Variants in CDC25C observed in about 807,000 individuals in gnomAD.
CDC25C encodes M-phase inducer phosphatase 3.
CDC25C carries 48 observed loss-of-function variants against 52.5 expected under a neutral mutation model. The ratio of observed to expected loss-of-function variants is 0.91; its 90% CI spans 0.72 to 1.16. The LOEUF is 1.16. Ranked by LOEUF, CDC25C falls within the 50% of genes most tolerant of loss-of-function variation. The pLI is 0.00. For synonymous variants in CDC25C, 187 were observed against 206.5 expected (o/e 0.91, Z 0.81); for missense variants, 510 against 566.1 (o/e 0.90, Z 1.01).
At chr5:138,286,237 CA>C in intron 12 of CDC25C, 104 bp from the exon 13 acceptor site, 2 of 923,168 alleles carry the variant, frequency 2.2e-6, no homozygotes, top group Non-Finnish European at 3.3e-6. Context: ...TTGCCAACCT[CA>C]AAAAGGACTT....
intron 7 of CDC25C, among the ~76,000 whole-genome samples, chr5:138,308,164 C>T (rs577684776): frequency 9.9e-5 from 15 of 152,092 alleles, no homozygotes; most frequent in African/African-American, 2.4e-4. Flanking sequence ...CCATGGCCCA[C>T]GGGTTGGGAA....
At chr5:138,295,784 C>A (rs1453566740) in intron 7 of CDC25C, among the ~76,000 whole-genome samples, 1 of 152,082 alleles carries the variant, frequency 6.6e-6, no homozygotes, top group Non-Finnish European at 1.5e-5. Context: ...TTCCCAGAAG[C>A]TGGTGTGGGA....
intron 7 of CDC25C, among the ~76,000 whole-genome samples, chr5:138,310,694 A>T (rs1758381783): frequency 6.6e-6 from 1 of 152,214 alleles, no homozygotes; most frequent in South Asian, 2.1e-4. Context: ...CTACAGTCAT[A>T]TATCTAAAAG....
At chr5:138,308,379 G>GA (rs1758196502) in intron 7 of CDC25C, among the ~76,000 whole-genome samples, 1 of 152,088 alleles carries the variant, frequency 6.6e-6, no homozygotes, top group Non-Finnish European at 1.5e-5. Context: ...CAATGAAATA[G>GA]AAAATAAAAG....
In CDC25C at chr5:138,328,467, T is replaced by C; in HGVS notation, c.335+17A>G. 6.2e-7 allele frequency: 1 copy of C among 1,612,954 alleles called. No individual in the cohort carries two copies. ...TAAAAGGCTTTTGTGTGGGGTTCAT[T>C]TAACAACAGAACTTACATCCCAGCT... is the stretch of plus-strand genomic sequence containing the variant. On this transcript the variant is annotated intron_variant, in intron 4 of 13. Transcript: ENST00000323760.
intron 7 of CDC25C, among the ~76,000 whole-genome samples, chr5:138,303,870 T>G (rs925634402): frequency 6.6e-6 from 1 of 152,168 alleles, no homozygotes; most frequent in African/African-American, 2.4e-5. Flanking sequence ...AATAAATGAA[T>G]GAATGAATGA....
chr5:138,319,198 T>C lies in CDC25C; in HGVS notation c.615+21A>G, dbSNP rs754010993. On this transcript the variant is annotated intron_variant, in intron 7 of 13. Transcript: ENST00000323760. ...TGAAGGAATATGAAGAATACAAAGA[T>C]ACTACCACAGAACACTTTACCTTTG... The C allele has an allele frequency of 4.4e-6, 7 of 1,594,456 alleles. No individual in the cohort carries two copies. The South Asian group carries it at 4.5e-5, about 10-fold the overall frequency.
At chr5:138,289,627 C>G (rs1271676808) in intron 9 of CDC25C, 64 bp from the exon 10 acceptor site, 8 of 1,343,594 alleles carry the variant, frequency 6.0e-6, no homozygotes, top group Non-Finnish European at 7.5e-6. Flanking sequence ...GATCAAAGAC[C>G]CTTATTTTGT....
intron 7 of CDC25C, among the ~76,000 whole-genome samples, chr5:138,316,486 G>T (rs1758880836): frequency 6.6e-6 from 1 of 152,152 alleles, no homozygotes; most frequent in Admixed American, 6.5e-5. Context: ...CAGGCTCCTG[G>T]GTAGAAGGGA....
At chr5:138,309,106 C>T (rs1449318079) in intron 7 of CDC25C, among the ~76,000 whole-genome samples, 1 of 152,010 alleles carries the variant, frequency 6.6e-6, no homozygotes, top group African/African-American at 2.4e-5. Context: ...TACTAAAACC[C>T]ATTGTATTTT....
At position 138,331,756 on chromosome 5, in the gene CDC25C, A is replaced by G; in HGVS notation, c.-200T>C. On this transcript the variant is annotated 5_prime_UTR_variant, in exon 1 of 14. Coordinates refer to ENST00000323760, the MANE Select transcript of CDC25C (RefSeq NM_001790.5). ...GACTGGGTAGGCCAACGTCGGACTC[A>G]GAGTCTTCCCTGAGCAGAAGGCCAA... is the stretch of plus-strand genomic sequence containing the variant. The G allele has an allele frequency of 1.0e-6, 1 of 975,562 alleles. No individual in the cohort carries two copies. The highest frequency in any genetic ancestry group is 4.6e-5 in the South Asian group (1 of 21,664). The allele number at this position is 975,562 out of a possible 1,614,324, so 60.4% of individuals were successfully genotyped here.
At chr5:138,295,930 A>G (rs1757140938) in intron 7 of CDC25C, among the ~76,000 whole-genome samples, 2 of 152,218 alleles carry the variant, frequency 1.3e-5, no homozygotes. Context: ...AAAACTTACT[A>G]GATTCAACCT....
chr5:138,337,656 C>G (rs890706335), intron 1 of CDC25C: 1 of 311,164 alleles, frequency 3.2e-6, no homozygotes. Context: ...AACGTCCCCG[C>G]AACCATTATA....
At chr5:138,326,952 C>CA (rs1208599313) in intron 4 of CDC25C, among the ~76,000 whole-genome samples, 19,792 of 61,244 alleles carry the variant, frequency 0.32, 2,738 homozygotes, top group East Asian at 0.56. Flanking sequence ...AACTCCGTCT[C>CA]AAAAAAAAAA....
exon 1 of CDC25C, chr5:138,338,240 G>T (rs1760857959): frequency 1.7e-6 from 2 of 1,175,158 alleles, no homozygotes; most frequent in Non-Finnish European, 2.3e-6. Context: ...GCCTTTTAAG[G>T]GCACCGTGGG....
At chr5:138,336,174 C>T (rs1760692365), upstream of CDC25C, among the ~76,000 whole-genome samples, 1 of 151,484 alleles carries the variant, frequency 6.6e-6, no homozygotes, top group African/African-American at 2.4e-5. Context: ...ATTCTGTTGC[C>T]CAGGCTGGAG....
At chr5:138,299,495 C>CAAAA (rs70982704) in intron 7 of CDC25C, among the ~76,000 whole-genome samples, 1 of 90,560 alleles carries the variant, frequency 1.1e-5, no homozygotes, top group Non-Finnish European at 2.2e-5. Context: ...GACTCCGTCT[C>CAAAA]AAAAAAAAAA....
intron 7 of CDC25C, among the ~76,000 whole-genome samples, chr5:138,292,468 C>CAGTTATGT (rs1756814973): frequency 8.0e-6 from 1 of 124,966 alleles, no homozygotes; most frequent in African/African-American, 2.9e-5. Context: ...TCAGTCCCTC[C>CAGTTATGT]AGTTATGTGA....
At chr5:138,316,003 G>A (rs967960809) in intron 7 of CDC25C, among the ~76,000 whole-genome samples, 4 of 152,350 alleles carry the variant, frequency 2.6e-5, no homozygotes, top group Middle Eastern at 3.4e-3. Context: ...CCTGTTCCAC[G>A]GAGCAGGCAG....
Sources: gnomAD v4.1 joint callset for allele counts (sites outside exome capture counted in the v4.1 genomes callset) on GRCh38, gnomAD v4.1.1 for gene constraint, MANE v1.5 for transcripts, NCBI Gene and HGNC (gene_info 2026-07-23, HGNC 2026-07-21) for gene names.